THSD1: variants seen among roughly 807,000 people sequenced by gnomAD.
THSD1 encodes thrombospondin type 1 domain containing 1.
In THSD1, 34 loss-of-function variants were observed where a neutral mutation model predicts 46.3. The ratio of observed to expected loss-of-function variants is 0.74; its 90% CI spans 0.56 to 0.98. The LOEUF (loss-of-function observed/expected upper bound fraction) is 0.98, where lower values mean the gene tolerates loss of function less well. Ranked by LOEUF, THSD1 falls within the 50% of genes least tolerant of loss-of-function variation. THSD1 has a pLI of 0.00. For synonymous variants in THSD1, 407 were observed against 416.5 expected, an observed-to-expected ratio of 0.98 and a Z score of 0.28; for missense variants, 1,023 against 1,058.3, an observed-to-expected ratio of 0.97 and a Z score of 0.46.
At position 52,397,672 on chromosome 13, in the gene THSD1, G is replaced by C; in HGVS notation, c.581C>G (p.Thr194Arg). The C allele has an allele frequency of 6.2e-7, 1 of 1,614,188 alleles. No individual in the cohort carries two copies. The highest frequency in any genetic ancestry group is 8.5e-7 in the Non-Finnish European group (1 of 1,180,042). The change falls in exon 3 of 5, where the codon ACA becomes AGA. Residue 194 changes from threonine (T) to arginine (R), a missense_variant. Thr to Arg is a moderately conservative substitution (Grantham distance 71). Around this residue, in one of 3 missense-constraint regions of THSD1, gnomAD observed 429 missense variants for 518.3 expected, o/e 0.83. Transcript: ENST00000258613. Reference sequence around the variant, plus strand: ...AACCCACTGACCTTGAGCAAGTTCTGTCCTTTTGCTGGTTCTTATTTCCAG... The same window carrying C: ...AACCCACTGACCTTGAGCAAGTTCTCTCCTTTTGCTGGTTCTTATTTCCAG... The part of the protein sequence containing the change: ...QPLEIRTSKR[T>R]ELAQGQWVEF...
At chr13:52,398,276 T>A (rs191165582) in intron 2 of THSD1, 82 bp from the exon 3 acceptor site, 12 of 1,515,776 alleles carry the variant, frequency 7.9e-6, no homozygotes, top group African/African-American at 6.9e-5. Context: ...ACAGAATTTT[T>A]AAATTTTTTT....
intron 3 of THSD1, among the ~76,000 whole-genome samples, chr13:52,391,371 C>G (rs904813335): frequency 6.6e-6 from 1 of 151,888 alleles, no homozygotes; most frequent in African/African-American, 2.4e-5. Context: ...GTGCATGGCA[C>G]TATCCTTGGC....
chr13:52,400,603 A>AAAC (rs1566075712), intron 2 of THSD1, among the ~76,000 whole-genome samples: 6 of 152,018 alleles, frequency 3.9e-5, no homozygotes, highest in Non-Finnish European at 8.8e-5. Flanking sequence ...CCATCTCAAA[A>AAAC]AAACAAACAA....
chr13:52,394,591 G>A (rs1185372039), intron 3 of THSD1, among the ~76,000 whole-genome samples: 1 of 150,736 alleles, frequency 6.6e-6, no homozygotes, highest in African/African-American at 2.4e-5. Context: ...TCCAGCCTGG[G>A]CAACAGAGCA....
At chr13:52,381,391 C>A (rs1957690807) in intron 4 of THSD1, among the ~76,000 whole-genome samples, 1 of 152,198 alleles carries the variant, frequency 6.6e-6, no homozygotes, top group Non-Finnish European at 1.5e-5. Flanking sequence ...AGCACCCAAC[C>A]TCAGCTGCCC....
intron 2 of THSD1, among the ~76,000 whole-genome samples, chr13:52,400,470 C>T (rs551413188): frequency 7.9e-5 from 12 of 152,106 alleles, no homozygotes; most frequent in South Asian, 6.2e-4. Flanking sequence ...TGGTGATGGG[C>T]GCCTGTAATC....
At chr13:52,397,018 T>A (rs570067043) in intron 3 of THSD1, among the ~76,000 whole-genome samples, 11 of 152,216 alleles carry the variant, frequency 7.2e-5, no homozygotes, top group Non-Finnish European at 1.3e-4. Flanking sequence ...GTATTGCCCC[T>A]ATTTTACTGA....
intron 3 of THSD1, among the ~76,000 whole-genome samples, chr13:52,388,908 G>C (rs1047945744): frequency 2.0e-5 from 3 of 152,122 alleles, no homozygotes; most frequent in African/African-American, 7.2e-5. Context: ...ATAATACCTG[G>C]AGGTAGACTG....
At chr13:52,398,881 C>A (rs964971204) in intron 2 of THSD1, among the ~76,000 whole-genome samples, 2 of 152,124 alleles carry the variant, frequency 1.3e-5, no homozygotes, top group Non-Finnish European at 2.9e-5. Flanking sequence ...TTAAATGACA[C>A]AATACAAATT....
chr13:52,394,638 T>C (rs1469911075), intron 3 of THSD1, among the ~76,000 whole-genome samples: 2 of 151,978 alleles, frequency 1.3e-5, no homozygotes, highest in Non-Finnish European at 2.9e-5. Flanking sequence ...AAGAATATCT[T>C]AGATGAGTAA....
chr13:52,393,441 A>T lies in THSD1; in HGVS notation c.1021+3791T>A, dbSNP rs1291651940. Among the ~76,000 whole-genome samples, 3 of 152,280 alleles carry T rather than the reference A, an allele frequency of 2.0e-5. No homozygotes were observed. The South Asian group carries it at 6.2e-4, about 32-fold the overall frequency. On this transcript the variant is annotated intron_variant, in intron 3 of 4. Transcript: ENST00000258613. ...CATATTTGGAAGAAGAGACAAACATAAAAACACAGAAATCAAGACCATCCT... is the reference window on the plus strand; with the variant it reads ...CATATTTGGAAGAAGAGACAAACATTAAAACACAGAAATCAAGACCATCCT...
chr13:52,388,380 A>G (rs1018037903), intron 3 of THSD1, among the ~76,000 whole-genome samples: 3 of 152,216 alleles, frequency 2.0e-5, no homozygotes, highest in African/African-American at 4.8e-5. Context: ...GAAGAGTGCC[A>G]GCAATGGTAT....
chr13:52,377,454 T>C lies in THSD1; in HGVS notation c.2516A>G (p.Asp839Gly). ...LPGYFGSNEE[D>G]ETTSTLSVEK... ...CACGCTAAGTGTACTTGTGGTTTCA[T>C]CCTCTTCATTTGACCCAAAATATCC... is the stretch of plus-strand genomic sequence containing the variant. The change falls in exon 5 of 5, where the codon GAT becomes GGT. Residue 839 changes from aspartate to glycine, a missense_variant. By Grantham distance (94) the Asp-to-Gly change is moderately conservative. Transcript: ENST00000258613. 5 of 1,542,322 alleles carry C rather than the reference T, an allele frequency of 3.2e-6. No individual in the cohort carries two copies. Among genetic ancestry groups the C allele is most frequent in the African/African-American group, 1.4e-5 (1 of 73,264 alleles).
intron 3 of THSD1, among the ~76,000 whole-genome samples, chr13:52,395,540 G>A (rs150464657): frequency 1.0e-3 from 153 of 152,242 alleles, no homozygotes; most frequent in Non-Finnish European, 1.4e-3. Flanking sequence ...GGCAGGGAAC[G>A]AGCAGGGAAG....
intron 3 of THSD1, among the ~76,000 whole-genome samples, chr13:52,388,091 A>G (rs975329848): frequency 6.6e-6 from 1 of 152,046 alleles, no homozygotes; most frequent in Non-Finnish European, 1.5e-5. Context: ...GACAATAAGA[A>G]TTACAGCTGA....
rs540679839 is a variant in THSD1 at position 52,382,044 on chromosome 13, T to G, written c.1181-3255A>C. Among the ~76,000 whole-genome samples the G allele has an allele frequency of 6.6e-5, 10 of 152,326 alleles. No individual in the cohort carries two copies. The East Asian group carries it at 7.7e-4, about 12-fold the overall frequency. On this transcript the variant is annotated intron_variant, in intron 4 of 4. Transcript: ENST00000258613. ...CTCTCTCTCTCCCTTTTGGTTTCAA[T>G]GAGAACATTCACTTATGTAATTTAG...
chr13:52,388,168 G>A (rs985187904), intron 3 of THSD1, among the ~76,000 whole-genome samples: 2 of 148,398 alleles, frequency 1.3e-5, no homozygotes, highest in Admixed American at 6.7e-5. Flanking sequence ...GAAAGAAAAA[G>A]CTACCACCCC....
intron 4 of THSD1, among the ~76,000 whole-genome samples, chr13:52,383,630 A>G (rs980122448): frequency 6.6e-6 from 1 of 152,196 alleles, no homozygotes; most frequent in Non-Finnish European, 1.5e-5. Flanking sequence ...GAAAAGCCCA[A>G]AAGCTGCTGG....
chr13:52,382,100 G>A (rs1957697564), intron 4 of THSD1, among the ~76,000 whole-genome samples: 1 of 152,196 alleles, frequency 6.6e-6, no homozygotes. Context: ...GATCCAAGGA[G>A]AGCTACAGTC....
Sources: allele counts gnomAD v4.1 joint callset (sites outside exome capture counted in the v4.1 genomes callset), GRCh38; gene constraint gnomAD v4.1.1; regional missense constraint gnomAD v4.1.1; transcripts MANE v1.5; gene names NCBI Gene and HGNC (gene_info 2026-07-23, HGNC 2026-07-21).